The following IL17A variants were observed in gnomAD, a reference collection of about 807,000 sequenced individuals.
IL17A encodes interleukin 17A, also known as interleukin-17A.
In IL17A, 1 loss-of-function variant was observed where a neutral mutation model predicts 7.2. The ratio of observed to expected loss-of-function variants is 0.14; its 90% CI spans 0.05 to 0.66. The LOEUF (loss-of-function observed/expected upper bound fraction) is 0.66, where lower values mean the gene tolerates loss of function less well. Among genes scored for constraint, IL17A ranks in the 30% least tolerant of loss-of-function variants. IL17A has a pLI of 0.84. For synonymous variants in IL17A, 90 were observed against 77.7 expected (o/e 1.16, Z -0.83); for missense variants, 191 against 197.1 (o/e 0.97, Z 0.18).
Position 52,190,231 on chromosome 6 carries a change from G to A in IL17A, c.*939G>A, listed in dbSNP as rs549198579. The A allele has an allele frequency of 6.6e-6, 1 of 152,318 alleles. No individual in the cohort carries two copies. Among genetic ancestry groups the A allele is most frequent in the East Asian group, 1.9e-4 (1 of 5,190 alleles). The allele number at this position is 152,318 out of a possible 1,614,324, so 9.4% of individuals were successfully genotyped here. The stretch of plus-strand genomic sequence containing the variant: ...GGTTTTCATACTATTAGCCAATGCT[G>A]TAGACAGAAGCATTTTGATAGGAAT... On this transcript the variant is annotated 3_prime_UTR_variant, in exon 3 of 3. Coordinates refer to ENST00000648244, the MANE Select transcript of IL17A (RefSeq NM_002190.3).
At chr6:52,187,454 A>T in intron 1 of IL17A, 149 bp from the exon 2 acceptor site, 1 of 721,848 alleles carries the variant, frequency 1.4e-6, no homozygotes, top group Non-Finnish European at 2.4e-6. Context: ...ATTTTTCTCT[A>T]GCTGATCTGA....
In IL17A at chr6:52,190,290, A is replaced by G. The variant is rs577476095; in HGVS notation, c.*998A>G. ...TAAGATAATGGCCCTGAGGAATGGC[A>G]TGTCATTATTAAAGATCATATGGGG... is the stretch of plus-strand genomic sequence containing the variant. On this transcript the variant is annotated 3_prime_UTR_variant, in exon 3 of 3. Coordinates refer to ENST00000648244, the MANE Select transcript of IL17A (RefSeq NM_002190.3). 6.6e-6 allele frequency: 1 copy of G among 152,328 alleles called. No individual in the cohort carries two copies. The highest frequency in any genetic ancestry group is 2.4e-5 in the African/African-American group (1 of 41,574). The allele number at this position is 152,328 out of a possible 1,614,324, so 9.4% of individuals were successfully genotyped here. A position where few individuals can be genotyped will look rare whatever the true frequency, so the allele number is the denominator to read the frequency against.
chr6:52,189,766 G>A lies in IL17A; in HGVS notation c.*474G>A, dbSNP rs995364356. The A allele has an allele frequency of 6.5e-6, 1 of 153,014 alleles. No individual in the cohort carries two copies. Among genetic ancestry groups the A allele is most frequent in the Non-Finnish European group, 1.5e-5 (1 of 68,694 alleles). The allele number at this position is 153,014 out of a possible 1,614,324, so 9.5% of individuals were successfully genotyped here. A position where few individuals can be genotyped will look rare whatever the true frequency, so the allele number is the denominator to read the frequency against. On this transcript the variant is annotated 3_prime_UTR_variant, in exon 3 of 3. Coordinates refer to ENST00000648244, the MANE Select transcript of IL17A (RefSeq NM_002190.3). ...AAAAGGTGAAAAAGCACTATTATCA[G>A]TTCTGCCTAGGTAAATGTAAGATAG...
In IL17A at chr6:52,187,751, A is replaced by G. The variant is rs746361396; in HGVS notation, c.176A>G (p.Asn59Ser). 2 of 1,614,052 alleles carry G rather than the reference A, an allele frequency of 1.2e-6. No individual in the cohort carries two copies. Among genetic ancestry groups the G allele is most frequent in the East Asian group, 4.5e-5 (2 of 44,866 alleles). ...ATCCATAACCGGAATACCAATACCA[A>G]TCCCAAAAGGTCCTCAGATTACTAC... ...LNIHNRNTNT[N>S]PKRSSDYYNR... Residue 59 changes from asparagine (N) to serine (S), a missense_variant, in exon 2 of 3, where the codon AAT becomes AGT. Coordinates refer to ENST00000648244, the MANE Select transcript of IL17A (RefSeq NM_002190.3).
At chr6:52,188,728 TTCTG>T (rs1473373756) in intron 2 of IL17A, among the ~76,000 whole-genome samples, 1 of 152,226 alleles carries the variant, frequency 6.6e-6, no homozygotes, top group East Asian at 1.9e-4. Flanking sequence ...TTTGGTCTTC[TTCTG>T]TCTGTCAAAT....
intron 1 of IL17A, among the ~76,000 whole-genome samples, chr6:52,187,028 C>T (rs1052723122): frequency 6.6e-6 from 1 of 152,140 alleles, no homozygotes; most frequent in Admixed American, 6.5e-5. Context: ...AAATTTAGAA[C>T]AACTGGAAAA....
In IL17A at chr6:52,189,079, T is replaced by C; in HGVS notation, c.255T>C (p.Tyr85=). 6.2e-7 allele frequency: 1 copy of C among 1,614,052 alleles called. No individual in the cohort carries two copies. Among genetic ancestry groups the C allele is most frequent in the Non-Finnish European group, 8.5e-7 (1 of 1,179,958 alleles). The change falls in exon 3 of 3, where the codon TAT becomes TAC. Residue 85 remains tyrosine (Y), a synonymous_variant. Coordinates refer to ENST00000648244, the MANE Select transcript of IL17A (RefSeq NM_002190.3). ...GCCGCAATGAGGACCCTGAGAGATA[T>C]CCCTCTGTGATCTGGGAGGCAAAGT... The part of the protein sequence containing the change: ...NLHRNEDPER[Y]PSVIWEAKCR...
rs997607463 is a variant in IL17A at position 52,189,360 on chromosome 6, C to A, written c.*68C>A. 6.0e-6 allele frequency: 7 copies of A among 1,164,562 alleles called. No individual in the cohort carries two copies. Among genetic ancestry groups the A allele is most frequent in the Non-Finnish European group, 8.8e-6 (7 of 797,504 alleles). The allele number at this position is 1,164,562 out of a possible 1,614,324, so 72.1% of individuals were successfully genotyped here. Reference sequence around the variant, plus strand: ...GAGAGCCGACCCAGCCCCTCAGGAACCCTCATCCTTCAAAGACAGCCTCAT... The same window carrying A: ...GAGAGCCGACCCAGCCCCTCAGGAAACCTCATCCTTCAAAGACAGCCTCAT... On this transcript the variant is annotated 3_prime_UTR_variant, in exon 3 of 3. Transcript: ENST00000648244.
intron 2 of IL17A, 132 bp from the exon 3 acceptor site, chr6:52,188,923 C>A: frequency 4.0e-6 from 2 of 504,908 alleles, no homozygotes; most frequent in Non-Finnish European, 3.5e-6. Context: ...TTCAAACTAA[C>A]ATCATTTAAA....
chr6:52,187,793 CT>C lies in IL17A; in HGVS notation c.220del (p.Trp74GlyfsTer15). Reference sequence around the variant, plus strand: ...GATTACTACAACCGATCCACCTCACCTTGGAATCTCCAGTACGTAAAGCTTC... The same window carrying C: ...GATTACTACAACCGATCCACCTCACCTGGAATCTCCAGTACGTAAAGCTTC... ...SSDYYNRSTS[P>X]WNLHRNEDPE... is the part of the protein sequence containing the mutation. On this transcript the variant is annotated frameshift_variant, in exon 2 of 3. Coordinates refer to ENST00000648244, the MANE Select transcript of IL17A (RefSeq NM_002190.3). LOFTEE classifies it high-confidence loss of function. 12 of 1,613,580 alleles carry C rather than the reference CT, an allele frequency of 7.4e-6. No homozygotes were observed. The highest frequency in any genetic ancestry group is 1.0e-5 in the Non-Finnish European group (12 of 1,179,504).
intron 2 of IL17A, 148 bp from the exon 3 acceptor site, chr6:52,188,907 T>G: frequency 1.7e-6 from 1 of 576,432 alleles, no homozygotes; most frequent in Non-Finnish European, 3.0e-6. Context: ...GTCCCCAAAG[T>G]TCTTCTTCAA....
chr6:52,187,786 A>G lies in IL17A; in HGVS notation c.211A>G (p.Thr71Ala). 5 of 1,613,906 alleles carry G rather than the reference A, an allele frequency of 3.1e-6. No individual in the cohort carries two copies. Among genetic ancestry groups the G allele is most frequent in the Non-Finnish European group, 3.4e-6 (4 of 1,179,818 alleles). The change falls in exon 2 of 3, where the codon ACC (threonine) becomes GCC (alanine). Residue 71 changes from threonine to alanine, a missense_variant. Transcript: ENST00000648244. ...KRSSDYYNRSTSPWNLHRNED... is the reference protein window; with the variant it reads ...KRSSDYYNRSASPWNLHRNED... ...GTCCTCAGATTACTACAACCGATCC[A>G]CCTCACCTTGGAATCTCCAGTACGT...
In IL17A at chr6:52,189,380, C is replaced by A. The variant is rs549257684; in HGVS notation, c.*88C>A. On this transcript the variant is annotated 3_prime_UTR_variant, in exon 3 of 3. Coordinates refer to ENST00000648244, the MANE Select transcript of IL17A (RefSeq NM_002190.3). ...AGGAACCCTCATCCTTCAAAGACAG[C>A]CTCATTTCGGACTAAACTCATTAGA... The A allele has an allele frequency of 2.1e-6, 2 of 967,906 alleles. No individual in the cohort carries two copies. The highest frequency in any genetic ancestry group is 3.2e-6 in the Non-Finnish European group (2 of 634,726). 60.0% of individuals were successfully genotyped at this position (967,906 alleles called of 1,614,324 possible). A position where few individuals can be genotyped will look rare whatever the true frequency, so the allele number is the denominator to read the frequency against.
intron 2 of IL17A, among the ~76,000 whole-genome samples, chr6:52,188,581 C>T (rs1763322616): frequency 6.6e-6 from 1 of 152,126 alleles, no homozygotes; most frequent in Non-Finnish European, 1.5e-5. Context: ...TGTTTCCAGC[C>T]CTTTATCTCA....
Position 52,187,771 on chromosome 6 carries a change from T to A in IL17A, c.196T>A (p.Tyr66Asn). ...TACCAATCCCAAAAGGTCCTCAGAT[T>A]ACTACAACCGATCCACCTCACCTTG... Reference protein sequence around the residue: ...TNTNPKRSSDYYNRSTSPWNL... With the variant: ...TNTNPKRSSDNYNRSTSPWNL... The change falls in exon 2 of 3, where the codon TAC becomes AAC. Residue 66 changes from tyrosine (Y) to asparagine (N), a missense_variant. By Grantham distance (143) the Tyr-to-Asn change is moderately radical. Transcript: ENST00000648244. The A allele has an allele frequency of 6.2e-7, 1 of 1,614,136 alleles. No homozygotes were observed. The highest frequency in any genetic ancestry group is 8.5e-7 in the Non-Finnish European group (1 of 1,179,976).
Position 52,189,178 on chromosome 6 carries a change from G to A in IL17A, c.354G>A (p.Glu118=), listed in dbSNP as rs1358325632. The change falls in exon 3 of 3, where the codon GAG becomes GAA. Residue 118 remains glutamate (E), a synonymous_variant. Coordinates refer to ENST00000648244, the MANE Select transcript of IL17A (RefSeq NM_002190.3). ...TGAACTCTGTCCCCATCCAGCAAGAGATCCTGGTCCTGCGCAGGGAGCCTC... is the reference window on the plus strand; with the variant it reads ...TGAACTCTGTCCCCATCCAGCAAGAAATCCTGGTCCTGCGCAGGGAGCCTC... ...YHMNSVPIQQ[E]ILVLRREPPH... 6.2e-7 allele frequency: 1 copy of A among 1,614,130 alleles called. No individual in the cohort carries two copies. The highest frequency in any genetic ancestry group is 1.1e-5 in the South Asian group (1 of 91,076).
rs994160466 is a variant in IL17A at position 52,190,261 on chromosome 6, C to T, written c.*969C>T. On this transcript the variant is annotated 3_prime_UTR_variant, in exon 3 of 3. Coordinates refer to ENST00000648244, the MANE Select transcript of IL17A (RefSeq NM_002190.3). ...CAGAAGCATTTTGATAGGAATAGAG[C>T]AAATAAGATAATGGCCCTGAGGAAT... is the stretch of plus-strand genomic sequence containing the variant. 6.6e-6 allele frequency: 1 copy of T among 152,074 alleles called. No individual in the cohort carries two copies. The highest frequency in any genetic ancestry group is 1.9e-4 in the East Asian group (1 of 5,192). The allele number at this position is 152,074 out of a possible 1,614,324, so 9.4% of individuals were successfully genotyped here. A position where few individuals can be genotyped will look rare whatever the true frequency, so the allele number is the denominator to read the frequency against.
At chr6:52,187,872 A>G (rs1053646221) in intron 2 of IL17A, 67 bp downstream of exon 2, 6 of 1,271,334 alleles carry the variant, frequency 4.7e-6, no homozygotes, top group Non-Finnish European at 5.7e-6. Flanking sequence ...CTGCCAGTTA[A>G]ATCTCCCTGA....
chr6:52,189,784 T>C lies in IL17A; in HGVS notation c.*492T>C, dbSNP rs1484421711. ...ATTATCAGTTCTGCCTAGGTAAATG[T>C]AAGATAGAATTAAATGGCAGTGCAA... On this transcript the variant is annotated 3_prime_UTR_variant, in exon 3 of 3. Transcript: ENST00000648244. The C allele has an allele frequency of 6.6e-6, 1 of 152,452 alleles. No homozygotes were observed. Among genetic ancestry groups the C allele is most frequent in the Non-Finnish European group, 1.5e-5 (1 of 68,238 alleles). The allele number at this position is 152,452 out of a possible 1,614,324, so 9.4% of individuals were successfully genotyped here.
Sources: allele counts gnomAD v4.1 joint callset (sites outside exome capture counted in the v4.1 genomes callset), GRCh38; gene constraint gnomAD v4.1.1; transcripts MANE v1.5; gene names NCBI Gene and HGNC (gene_info 2026-07-23, HGNC 2026-07-21).